The following SYT6 variants were observed in gnomAD, a reference collection of about 807,000 sequenced individuals.
The protein encoded by SYT6 is synaptotagmin-6.
In SYT6, 24 loss-of-function variants were observed where a neutral mutation model predicts 38.4. That is an observed-to-expected ratio of 0.62 (90% CI 0.45 to 0.88). SYT6 has a LOEUF of 0.88. Among genes scored for constraint, SYT6 ranks in the 40% least tolerant of loss-of-function variants. SYT6 has a pLI of 0.00. For synonymous variants in SYT6, 265 were observed against 241.9 expected (o/e 1.10, Z -0.89); for missense variants, 611 against 621.0 (o/e 0.98, Z 0.17).
chr1:114,097,905 TG>T (rs1404160608), intron 5 of SYT6, 28 bp from the exon 6 acceptor site: 1 of 1,611,808 alleles, frequency 6.2e-7, no homozygotes, highest in Non-Finnish European at 8.5e-7. Flanking sequence ...GTCCCAGCAC[TG>T]GCTACCAGAC....
chr1:114,125,134 A>T (rs1421311208), intron 3 of SYT6, among the ~76,000 whole-genome samples: 1 of 152,244 alleles, frequency 6.6e-6, no homozygotes, highest in Non-Finnish European at 1.5e-5. Flanking sequence ...TGAAGAAAAC[A>T]TAAAATATCT....
intron 3 of SYT6, among the ~76,000 whole-genome samples, chr1:114,131,393 G>T (rs148690300): frequency 6.6e-6 from 1 of 152,262 alleles, no homozygotes; most frequent in Non-Finnish European, 1.5e-5. Flanking sequence ...CATCAACATA[G>T]CCTGGCCTAA....
Position 114,137,524 on chromosome 1 carries a change from T to C in SYT6, c.1042A>G (p.Ile348Val), listed in dbSNP as rs201016097. ...EASDLSRETS[I>V]WKDIQYATSE... is the part of the protein sequence containing the mutation. ...GTGGCATATTGGATATCCTTCCAGA[T>C]GGAGGTTTCCCGAGACAGGTCAGAG... The change falls in exon 3 of 8, where the codon ATC (isoleucine) becomes GTC (valine). Residue 348 changes from isoleucine to valine, a missense_variant. Ile to Val is a conservative substitution (Grantham distance 29). Transcript: ENST00000610222. 3.1e-5 allele frequency: 50 copies of C among 1,613,922 alleles called. No individual in the cohort carries two copies. The highest frequency in any genetic ancestry group is 3.8e-5 in the Non-Finnish European group (45 of 1,179,808).
chr1:114,127,328 C>T (rs1677805918), intron 3 of SYT6, among the ~76,000 whole-genome samples: 1 of 152,048 alleles, frequency 6.6e-6, no homozygotes, highest in Non-Finnish European at 1.5e-5. Context: ...CCATGGAGGC[C>T]CTAGTGAAGG....
At chr1:114,129,838 GTT>G (rs397949655) in intron 3 of SYT6, among the ~76,000 whole-genome samples, 147 of 106,652 alleles carry the variant, frequency 1.4e-3, no homozygotes, top group Middle Eastern at 8.3e-3. Context: ...CACCACACCT[GTT>G]TTTTTTTTTT....
intron 3 of SYT6, among the ~76,000 whole-genome samples, chr1:114,114,482 T>C (rs1409031719): frequency 6.6e-6 from 1 of 152,180 alleles, no homozygotes; most frequent in Non-Finnish European, 1.5e-5. Context: ...AGCCTCAGCC[T>C]CTGGTCTCCC....
chr1:114,120,787 T>C (rs1258109732), intron 3 of SYT6, among the ~76,000 whole-genome samples: 1 of 152,228 alleles, frequency 6.6e-6, no homozygotes, highest in East Asian at 1.9e-4. Flanking sequence ...ATTGTTGTTA[T>C]TAGTAACAAG....
intron 3 of SYT6, among the ~76,000 whole-genome samples, chr1:114,119,464 G>A (rs1291318379): frequency 6.6e-6 from 1 of 152,242 alleles, no homozygotes; most frequent in African/African-American, 2.4e-5. Flanking sequence ...AGCACTTGCT[G>A]TGTGCCGATG....
At chr1:114,109,509 C>A (rs912173541) in intron 3 of SYT6, among the ~76,000 whole-genome samples, 1 of 152,216 alleles carries the variant, frequency 6.6e-6, no homozygotes, top group African/African-American at 2.4e-5. Context: ...GCTTCCTAAC[C>A]TGTACACTGT....
intron 3 of SYT6, among the ~76,000 whole-genome samples, chr1:114,129,575 T>G (rs1462648509): frequency 3.0e-5 from 3 of 101,584 alleles, no homozygotes; most frequent in African/African-American, 1.1e-4. Context: ...TTTCTTTCTT[T>G]CTTTCTTTCT....
At chr1:114,111,087 G>A (rs1275521438) in intron 3 of SYT6, among the ~76,000 whole-genome samples, 6 of 152,106 alleles carry the variant, frequency 3.9e-5, no homozygotes, top group Admixed American at 1.3e-4. Flanking sequence ...TTTAGGAGTC[G>A]GCATGAAAAA....
chr1:114,129,568 CTT>C (rs1168700089), intron 3 of SYT6, among the ~76,000 whole-genome samples: 1 of 72,966 alleles, frequency 1.4e-5, no homozygotes, highest in Non-Finnish European at 2.8e-5. Flanking sequence ...TCTTTCTTTT[CTT>C]TCTTTCTTTC....
At chr1:114,126,132 G>A (rs1677716609) in intron 3 of SYT6, among the ~76,000 whole-genome samples, 1 of 152,120 alleles carries the variant, frequency 6.6e-6, no homozygotes, top group African/African-American at 2.4e-5. Flanking sequence ...CATGAGACCT[G>A]ATTTGGAGCC....
intron 6 of SYT6, among the ~76,000 whole-genome samples, chr1:114,096,106 T>TG (rs1162352004): frequency 6.6e-6 from 1 of 151,184 alleles, no homozygotes; most frequent in Non-Finnish European, 1.5e-5. Context: ...GGAGGAGGGG[T>TG]GGTGGGGTGG....
intron 6 of SYT6, 33 bp downstream of exon 6, chr1:114,097,694 C>A (rs1412090902): frequency 6.8e-6 from 11 of 1,608,992 alleles, no homozygotes; most frequent in Non-Finnish European, 9.3e-6. Context: ...TGCCATGCAG[C>A]AAACATGCCA....
In SYT6 at chr1:114,138,114, A is replaced by G; in HGVS notation, c.513-61T>C. ...TCAGGGCTCAGGGGAAGGGGGATGA[A>G]GGCAAACACGAGCCTGGAGGCCCTG... On this transcript the variant is annotated intron_variant, in intron 2 of 7. Coordinates refer to ENST00000610222, the MANE Select transcript of SYT6 (RefSeq NM_001253772.2). The G allele has an allele frequency of 3.3e-6, 5 of 1,504,260 alleles. No individual in the cohort carries two copies. The South Asian group carries it at 6.4e-5, about 19-fold the overall frequency. The allele number at this position is 1,504,260 out of a possible 1,614,324, so 93.2% of individuals were successfully genotyped here. A position where few individuals can be genotyped will look rare whatever the true frequency, so the allele number is the denominator to read the frequency against.
chr1:114,091,846 A>G lies in SYT6; in HGVS notation c.*288T>C. 3 of 612,660 alleles carry G rather than the reference A, an allele frequency of 4.9e-6. No individual in the cohort carries two copies. Among genetic ancestry groups the G allele is most frequent in the Non-Finnish European group, 8.4e-6 (3 of 359,206 alleles). 38.0% of individuals were successfully genotyped at this position (612,660 alleles called of 1,614,324 possible). On this transcript the variant is annotated 3_prime_UTR_variant, in exon 8 of 8. Coordinates refer to ENST00000610222, the MANE Select transcript of SYT6 (RefSeq NM_001253772.2). ...AAAAGACTAAGACAGATCTGACCAC[A>G]TGACAAGTGTCTCAGCTTTGACCTA...
At chr1:114,114,161 G>T (rs556561607) in intron 3 of SYT6, among the ~76,000 whole-genome samples, 1 of 152,318 alleles carries the variant, frequency 6.6e-6, no homozygotes, top group South Asian at 2.1e-4. Flanking sequence ...TTTTGCCAGG[G>T]CCAGGACAAG....
At chr1:114,138,094 G>T in intron 2 of SYT6, 41 bp from the exon 3 acceptor site, 1 of 1,573,426 alleles carries the variant, frequency 6.4e-7, no homozygotes, top group Non-Finnish European at 8.6e-7. Context: ...TGTGGTCAGG[G>T]CTCAGGGGAA....
Sources: allele counts gnomAD v4.1 joint callset (sites outside exome capture counted in the v4.1 genomes callset), GRCh38; gene constraint gnomAD v4.1.1; transcripts MANE v1.5; gene names NCBI Gene and HGNC (gene_info 2026-07-23, HGNC 2026-07-21).